The following FHIT variants were observed in gnomAD, a reference collection of about 807,000 sequenced individuals.
FHIT encodes the protein bis(5'-adenosyl)-triphosphatase.
In FHIT, 19 loss-of-function variants were observed where a neutral mutation model predicts 17.9. That is an observed-to-expected ratio of 1.06 (90% CI 0.74 to 1.56). FHIT has a LOEUF of 1.56. Ranked by LOEUF, FHIT falls within the 40% of genes most tolerant of loss-of-function variation. FHIT has a pLI of 0.00. For missense variants in FHIT, 248 were observed against 189.2 expected, an observed-to-expected ratio of 1.31 and a Z score of -1.82; for synonymous variants, 81 against 69.7, an observed-to-expected ratio of 1.16 and a Z score of -0.81.
intron 7 of FHIT, among the ~76,000 whole-genome samples, chr3:60,010,558 T>C (rs1219944598): frequency 2.6e-5 from 4 of 152,240 alleles, no homozygotes; most frequent in Non-Finnish European, 5.9e-5. Flanking sequence ...AAACTTTATT[T>C]CAACAAAGTG....
At chr3:60,912,627 C>A in intron 3 of FHIT, 1 of 358,812 alleles carries the variant, frequency 2.8e-6, no homozygotes, top group South Asian at 2.6e-5. Flanking sequence ...CCCCACCTAT[C>A]AGGAAAGAAA....
chr3:60,595,105 A>G (rs1208528717), intron 4 of FHIT, among the ~76,000 whole-genome samples: 2 of 152,140 alleles, frequency 1.3e-5, no homozygotes, highest in Admixed American at 6.6e-5. Context: ...TAAAGAAGCA[A>G]CAGTCTGGCC....
At chr3:59,805,232 G>A (rs935554918) in intron 8 of FHIT, among the ~76,000 whole-genome samples, 1 of 152,124 alleles carries the variant, frequency 6.6e-6, no homozygotes, top group African/African-American at 2.4e-5. Context: ...ACCAGGTGTT[G>A]GGATTGTTCT....
intron 3 of FHIT, among the ~76,000 whole-genome samples, chr3:61,017,134 C>CA (rs1470135871): frequency 1.3e-5 from 2 of 152,012 alleles, no homozygotes; most frequent in Non-Finnish European, 2.9e-5. Context: ...CAAAAACACA[C>CA]AAAAAATTAG....
rs145255389 is a variant in FHIT, at chr3:60,207,044, T to C, written c.104-192892A>G. Among the ~76,000 whole-genome samples the C allele has an allele frequency of 3.3e-5, 5 of 152,214 alleles. No homozygotes were observed. The East Asian group carries it at 7.7e-4, about 24-fold the overall frequency. On this transcript the variant is annotated intron_variant, in intron 5 of 9. Transcript: ENST00000492590. ...GTGGGATGAAAGTGATCTTTAGAGATATGGGATAAAGGAAAAACCATTTGA... is the reference window on the plus strand; with the variant it reads ...GTGGGATGAAAGTGATCTTTAGAGACATGGGATAAAGGAAAAACCATTTGA...
At position 60,562,443 on chromosome 3, in the gene FHIT, G is replaced by C. The variant is rs145974197; in HGVS notation, c.-17-25464C>G. Among the ~76,000 whole-genome samples, 689 of 152,280 alleles carry C rather than the reference G, an allele frequency of 4.5e-3. 4 individuals carry two copies. The highest frequency in any genetic ancestry group is 8.4e-3 in the Non-Finnish European group (570 of 68,020). ...CCAGGTGGCGTCTCCAAGAAGAAAA[G>C]TCTCACTTGAGACTGGTAAATGAAG... On this transcript the variant is annotated intron_variant, in intron 4 of 9. Coordinates refer to ENST00000492590, the MANE Select transcript of FHIT (RefSeq NM_002012.4).
chr3:60,435,748 C>G (rs1228196960), intron 5 of FHIT, among the ~76,000 whole-genome samples: 1 of 152,102 alleles, frequency 6.6e-6, no homozygotes, highest in African/African-American at 2.4e-5. Context: ...ATTATTTCAT[C>G]ACCCAGGTAT....
chr3:60,639,688 C>A (rs1172947446), intron 4 of FHIT, among the ~76,000 whole-genome samples: 1 of 152,054 alleles, frequency 6.6e-6, no homozygotes, highest in Non-Finnish European at 1.5e-5. Context: ...AAAGGAAACA[C>A]TAAAAGGAAC....
rs184662101 is a variant in FHIT, at chr3:60,557,210, C to T, written c.-17-20231G>A. Among the ~76,000 whole-genome samples the T allele has an allele frequency of 4.0e-3, 604 of 152,236 alleles. 4 individuals are homozygous for T. The highest frequency in any genetic ancestry group is 9.0e-3 in the Admixed American group (138 of 15,304). On this transcript the variant is annotated intron_variant, in intron 4 of 9. Transcript: ENST00000492590. ...ACACTAAGAGTTTAAGTCCCTTGCCCAAGTACACACGGAAGCAAGTGATGG... is the reference window on the plus strand; with the variant it reads ...ACACTAAGAGTTTAAGTCCCTTGCCTAAGTACACACGGAAGCAAGTGATGG...
intron 4 of FHIT, among the ~76,000 whole-genome samples, chr3:60,551,313 G>T: frequency 6.7e-6 from 1 of 149,732 alleles, no homozygotes; most frequent in East Asian, 2.0e-4. Flanking sequence ...TTCAAAAAAA[G>T]ATTTTACTAT....
chr3:60,217,440 T>G (rs1703745517), intron 5 of FHIT, among the ~76,000 whole-genome samples: 1 of 152,168 alleles, frequency 6.6e-6, no homozygotes, highest in South Asian at 2.1e-4. Flanking sequence ...GCTACACTGG[T>G]TTCTTAAACT....
intron 1 of FHIT, among the ~76,000 whole-genome samples, chr3:61,204,597 G>C (rs2039147048): frequency 1.3e-5 from 2 of 151,938 alleles, no homozygotes; most frequent in South Asian, 4.2e-4. Context: ...GCTGTGTCAG[G>C]AATCAGGGTA....
At chr3:59,815,891 A>T (rs1040702787) in intron 8 of FHIT, among the ~76,000 whole-genome samples, 1 of 147,858 alleles carries the variant, frequency 6.8e-6, no homozygotes, top group African/African-American at 2.4e-5. Context: ...TATAGAAATA[A>T]AAAAAAAATT....
chr3:61,066,710 G>A (rs1435686541), intron 2 of FHIT, among the ~76,000 whole-genome samples: 1 of 152,190 alleles, frequency 6.6e-6, no homozygotes, highest in Non-Finnish European at 1.5e-5. Flanking sequence ...AAGCTGTAAT[G>A]CATCTTCTCT....
At chr3:60,484,867 G>T (rs771853515) in intron 5 of FHIT, among the ~76,000 whole-genome samples, 1 of 152,052 alleles carries the variant, frequency 6.6e-6, no homozygotes, top group Non-Finnish European at 1.5e-5. Context: ...GAGTGAACAG[G>T]CAATCTACAG....
At chr3:60,928,484 G>C (rs552664770) in intron 3 of FHIT, among the ~76,000 whole-genome samples, 1 of 151,776 alleles carries the variant, frequency 6.6e-6, no homozygotes, top group South Asian at 2.1e-4. Context: ...GGGAGGCAGA[G>C]GCTGCAGCAA....
At chr3:60,985,502 T>C (rs373953540) in intron 3 of FHIT, among the ~76,000 whole-genome samples, 2 of 152,094 alleles carry the variant, frequency 1.3e-5, no homozygotes, top group East Asian at 1.9e-4. Context: ...GTGACAAACA[T>C]ACAGTGATTG....
At position 60,505,858 on chromosome 3, in the gene FHIT, T is replaced by C. The variant is rs534274796; in HGVS notation, c.103+31002A>G. Reference sequence around the variant, plus strand: ...TCTTTCCAAATTCTGACAACTTCTATATTATCATCATTCTTCTAATGTTAA... The same window carrying C: ...TCTTTCCAAATTCTGACAACTTCTACATTATCATCATTCTTCTAATGTTAA... On this transcript the variant is annotated intron_variant, in intron 5 of 9. Transcript: ENST00000492590. Among the ~76,000 whole-genome samples the C allele has an allele frequency of 2.0e-5, 3 of 152,328 alleles. No homozygotes were observed. In the East Asian group the frequency reaches 5.8e-4, roughly 29 times the overall value.
chr3:59,785,877 T>G (rs887858144), intron 8 of FHIT, among the ~76,000 whole-genome samples: 1 of 152,130 alleles, frequency 6.6e-6, no homozygotes, highest in East Asian at 1.9e-4. Context: ...CTTTGGAGTT[T>G]GATGCAGATG....
Sources: gnomAD v4.1 joint callset for allele counts (sites outside exome capture counted in the v4.1 genomes callset) on GRCh38, gnomAD v4.1.1 for gene constraint, MANE v1.5 for transcripts, NCBI Gene and HGNC (gene_info 2026-07-23, HGNC 2026-07-21) for gene names.